Variants in SLCO1A2 observed in about 807,000 individuals in gnomAD.
SLCO1A2 encodes the protein solute carrier organic anion transporter family member 1A2.
SLCO1A2 carries 67 observed loss-of-function variants against 69.0 expected under a neutral mutation model. That is an observed-to-expected ratio of 0.97 (90% CI 0.80 to 1.19). The LOEUF is 1.19. Ranked by LOEUF, SLCO1A2 falls within the 50% of genes most tolerant of loss-of-function variation. The pLI is 0.00. For synonymous variants in SLCO1A2, 260 were observed against 265.9 expected, an observed-to-expected ratio of 0.98 and a Z score of 0.22; for missense variants, 787 against 793.7, an observed-to-expected ratio of 0.99 and a Z score of 0.10.
rs543254651 is a variant in SLCO1A2 at position 21,394,372 on chromosome 12, C to G, written c.-190+534G>C. Among the ~76,000 whole-genome samples the G allele has an allele frequency of 3.2e-3, 486 of 150,928 alleles. 3 individuals carry two copies. The highest frequency in any genetic ancestry group is 7.1e-3 in the Admixed American group (108 of 15,150). On this transcript the variant is annotated intron_variant, in intron 1 of 15. Transcript: ENST00000307378. ...CATGATGAAACCACATCTTTACACACACACACACACACACACACATTAGCC... is the reference window on the plus strand; with the variant it reads ...CATGATGAAACCACATCTTTACACAGACACACACACACACACACATTAGCC...
intron 1 of SLCO1A2, among the ~76,000 whole-genome samples, chr12:21,403,095 T>C (rs1409709114): frequency 1.3e-5 from 2 of 152,096 alleles, no homozygotes; most frequent in Admixed American, 1.3e-4. Context: ...TCCAGGCCAA[T>C]GACAAGGCAG....
rs777970699 is a variant in SLCO1A2 at position 21,295,726 on chromosome 12, T to A, written c.1142A>T (p.Lys381Met). ...IIGGLIMKKF[K>M]ITVKQAAHIG... ...GTGGGCAGCTTGTTTGACAGTAATCTTGAACTTCTTCATAATTAAACCACC... is the reference window on the plus strand; with the variant it reads ...GTGGGCAGCTTGTTTGACAGTAATCATGAACTTCTTCATAATTAAACCACC... Residue 381 changes from lysine to methionine, a missense_variant, in exon 10 of 15, where the codon AAG becomes ATG. Coordinates refer to ENST00000683939, the MANE Select transcript of SLCO1A2 (RefSeq NM_001386879.1). 1 of 1,606,488 alleles carries A rather than the reference T, an allele frequency of 6.2e-7. No individual in the cohort carries two copies. Among genetic ancestry groups the A allele is most frequent in the Admixed American group, 1.7e-5 (1 of 59,974 alleles).
chr12:21,272,182 T>G (rs1459906178), intron 14 of SLCO1A2, among the ~76,000 whole-genome samples: 2 of 151,696 alleles, frequency 1.3e-5, no homozygotes, highest in East Asian at 3.9e-4. Context: ...GCATAGGTGC[T>G]CGTATTTTGG....
rs994157567 is a variant in SLCO1A2, at chr12:21,265,608, G to T, written c.*3940C>A. On this transcript the variant is annotated 3_prime_UTR_variant, in exon 15 of 15. Coordinates refer to ENST00000683939, the MANE Select transcript of SLCO1A2 (RefSeq NM_001386879.1). ...GGAAGGCTTAGGGGTTGGGAACTTGGCACAGGACCCAGTTACTCATCCTCT... is the reference window on the plus strand; with the variant it reads ...GGAAGGCTTAGGGGTTGGGAACTTGTCACAGGACCCAGTTACTCATCCTCT... 1.3e-5 allele frequency: 2 copies of T among 152,090 alleles called. No homozygotes were observed. Among genetic ancestry groups the T allele is most frequent in the Non-Finnish European group, 2.9e-5 (2 of 68,016 alleles). 9.4% of individuals were successfully genotyped at this position (152,090 alleles called of 1,614,324 possible).
At chr12:21,321,130 G>A (rs995267256) in intron 2 of SLCO1A2, among the ~76,000 whole-genome samples, 2 of 152,100 alleles carry the variant, frequency 1.3e-5, no homozygotes, top group Non-Finnish European at 2.9e-5. Context: ...CTTACTTCGT[G>A]ACTCTCAGTC....
intron 2 of SLCO1A2, among the ~76,000 whole-genome samples, chr12:21,326,517 T>C (rs1433567131): frequency 2.0e-5 from 3 of 152,160 alleles, no homozygotes; most frequent in Admixed American, 6.5e-5. Context: ...TAGAGACTTG[T>C]TGAATGGCTT....
intron 2 of SLCO1A2, among the ~76,000 whole-genome samples, chr12:21,354,225 T>A (rs1336863782): frequency 6.6e-6 from 1 of 152,220 alleles, no homozygotes; most frequent in Non-Finnish European, 1.5e-5. Context: ...CTGCGGACAC[T>A]GTGCCGACAA....
chr12:21,365,903 G>A (rs1045674750), intron 2 of SLCO1A2, among the ~76,000 whole-genome samples: 55 of 152,140 alleles, frequency 3.6e-4, no homozygotes, highest in Admixed American at 1.1e-3. Flanking sequence ...GAAACAACAG[G>A]TGCTGGAGAG....
At chr12:21,347,307 T>G (rs1478626944) in intron 2 of SLCO1A2, among the ~76,000 whole-genome samples, 1 of 152,092 alleles carries the variant, frequency 6.6e-6, no homozygotes, top group Non-Finnish European at 1.5e-5. Context: ...AAGTTAAAAT[T>G]TAGAGAAACA....
chr12:21,286,899 T>TA (rs1271029517), intron 12 of SLCO1A2, among the ~76,000 whole-genome samples: 1 of 151,628 alleles, frequency 6.6e-6, no homozygotes, highest in African/African-American at 2.4e-5. Context: ...CTTAAAACCA[T>TA]AAAAACCCTA....
chr12:21,369,287 T>C (rs551785837), intron 2 of SLCO1A2, among the ~76,000 whole-genome samples: 9 of 152,344 alleles, frequency 5.9e-5, no homozygotes, highest in Non-Finnish European at 1.2e-4. Context: ...GTTATGATTA[T>C]GAATATGACT....
intron 2 of SLCO1A2, among the ~76,000 whole-genome samples, chr12:21,365,521 G>A (rs1939305108): frequency 1.3e-5 from 2 of 152,038 alleles, no homozygotes; most frequent in African/African-American, 2.4e-5. Context: ...CAAAAGCAAT[G>A]GCAACAAAAG....
chr12:21,316,125 A>C (rs1950833729), intron 3 of SLCO1A2, among the ~76,000 whole-genome samples: 1 of 152,210 alleles, frequency 6.6e-6, no homozygotes, highest in Non-Finnish European at 1.5e-5. Context: ...GCAATCAAAC[A>C]TGAAGGCATT....
At chr12:21,304,250 C>T (rs1949072406) in intron 6 of SLCO1A2, among the ~76,000 whole-genome samples, 177 bp downstream of exon 6, 1 of 152,120 alleles carries the variant, frequency 6.6e-6, no homozygotes, top group South Asian at 2.1e-4. Context: ...AACCAAGTAG[C>T]TCATTGTCAT....
At chr12:21,366,216 G>A (rs930698851) in intron 2 of SLCO1A2, among the ~76,000 whole-genome samples, 23 of 152,112 alleles carry the variant, frequency 1.5e-4, no homozygotes, top group Non-Finnish European at 1.3e-4. Context: ...ACATTATGCA[G>A]CCATAAAAAA....
chr12:21,389,300 C>T (rs900016592), intron 1 of SLCO1A2, among the ~76,000 whole-genome samples: 2 of 152,160 alleles, frequency 1.3e-5, no homozygotes, highest in Non-Finnish European at 2.9e-5. Context: ...TATGTTATTA[C>T]TGCCTACACG....
rs552001778 is a variant in SLCO1A2, at chr12:21,265,715, G to A, written c.*3833C>T. On this transcript the variant is annotated 3_prime_UTR_variant, in exon 15 of 15. Transcript: ENST00000683939. The stretch of plus-strand genomic sequence containing the variant: ...GGGCTCAGGAGAATTTCCTCAAGGT[G>A]TCTTGAAACCTGCACTCTCCAGTTC... The A allele has an allele frequency of 6.6e-6, 1 of 152,222 alleles. No homozygotes were observed. The highest frequency in any genetic ancestry group is 2.4e-5 in the African/African-American group (1 of 41,532). 9.4% of individuals were successfully genotyped at this position (152,222 alleles called of 1,614,324 possible). A position where few individuals can be genotyped will look rare whatever the true frequency, so the allele number is the denominator to read the frequency against.
intron 2 of SLCO1A2, among the ~76,000 whole-genome samples, chr12:21,357,857 T>G (rs1041902008): frequency 6.6e-6 from 1 of 152,224 alleles, no homozygotes; most frequent in Non-Finnish European, 1.5e-5. Flanking sequence ...ACACATGTTC[T>G]TGCTTAAGAA....
At chr12:21,331,613 T>G (rs1952622448) in intron 2 of SLCO1A2, among the ~76,000 whole-genome samples, 1 of 134,458 alleles carries the variant, frequency 7.4e-6, no homozygotes, top group Admixed American at 7.1e-5. Context: ...TTAAGGAGAA[T>G]CGCTGAGATA....
Sources: gnomAD v4.1 joint callset for allele counts (sites outside exome capture counted in the v4.1 genomes callset) on GRCh38, gnomAD v4.1.1 for gene constraint, MANE v1.5 for transcripts, NCBI Gene and HGNC (gene_info 2026-07-23, HGNC 2026-07-21) for gene names.